Variants in FOXP1 observed in about 807,000 individuals in gnomAD.
FOXP1 encodes the protein forkhead box P1.
Under a neutral mutation model 98.2 loss-of-function variants are expected in FOXP1, and 15 were observed. The observed-to-expected ratio is 0.15, with a 90% CI of 0.10 to 0.24. The LOEUF (loss-of-function observed/expected upper bound fraction) is 0.24. FOXP1 is among the 10% of genes least tolerant of loss of function. The pLI is 1.00. For synonymous variants in FOXP1, 371 were observed against 314.5 expected, an observed-to-expected ratio of 1.18 and a Z score of -1.90; for missense variants, 633 against 848.5, an observed-to-expected ratio of 0.75 and a Z score of 3.15.
intron 6 of FOXP1, among the ~76,000 whole-genome samples, chr3:71,156,694 T>C (rs1437346054): frequency 2.0e-5 from 3 of 152,212 alleles, no homozygotes. Context: ...GAGTGGTAAT[T>C]CAACATCATC....
chr3:71,268,833 T>C (rs147375224), intron 5 of FOXP1, among the ~76,000 whole-genome samples: 125 of 152,236 alleles, frequency 8.2e-4, no homozygotes, highest in African/African-American at 2.9e-3. Flanking sequence ...TGATTTAATA[T>C]CTCTATCACT....
At chr3:70,983,092 A>G (rs1455517345) in intron 14 of FOXP1, among the ~76,000 whole-genome samples, 1 of 152,216 alleles carries the variant, frequency 6.6e-6, no homozygotes, top group African/African-American at 2.4e-5. Context: ...GAGGGACGTT[A>G]CCAGGCCGTG....
intron 7 of FOXP1, among the ~76,000 whole-genome samples, chr3:71,091,056 TAAG>T (rs2055762026): frequency 6.7e-6 from 1 of 149,456 alleles, no homozygotes; most frequent in South Asian, 2.2e-4. Flanking sequence ...ACAACAGCTA[TAAG>T]AAGGGCAGGT....
At chr3:71,460,604 C>CTTTTTTTG (rs1385706710) in intron 3 of FOXP1, among the ~76,000 whole-genome samples, 1 of 151,966 alleles carries the variant, frequency 6.6e-6, no homozygotes, top group East Asian at 1.9e-4. Flanking sequence ...GCTTGGCTAA[C>CTTTTTTTG]TTTTTTTGTA....
chr3:71,254,260 T>C (rs1361138009), intron 5 of FOXP1, among the ~76,000 whole-genome samples: 1 of 152,166 alleles, frequency 6.6e-6, no homozygotes, highest in Non-Finnish European at 1.5e-5. Context: ...CCTGTAAGAA[T>C]ATTGGGAGGA....
intron 6 of FOXP1, among the ~76,000 whole-genome samples, chr3:71,120,479 C>T (rs910924389): frequency 1.3e-5 from 2 of 152,176 alleles, no homozygotes; most frequent in African/African-American, 4.8e-5. Context: ...AAAAAGTGTT[C>T]CAGTCTTTGC....
chr3:71,088,491 T>TA (rs1374610581), intron 7 of FOXP1, among the ~76,000 whole-genome samples: 1 of 151,968 alleles, frequency 6.6e-6, no homozygotes, highest in Non-Finnish European at 1.5e-5. Context: ...TGCCTCACTC[T>TA]AGGTGTCTAG....
Position 70,959,160 on chromosome 3 carries a change from G to C in FOXP1, c.*87C>G, listed in dbSNP as rs2032568163. On this transcript the variant is annotated 3_prime_UTR_variant, in exon 21 of 21. Coordinates refer to ENST00000649528, the MANE Select transcript of FOXP1 (RefSeq NM_001349338.3). ...AATCCTCCAGACTGTACAACAAATG[G>C]AGAACAATTTCACTGCTAACTTTTG... is the stretch of plus-strand genomic sequence containing the variant. 1 of 1,482,576 alleles carries C rather than the reference G, an allele frequency of 6.7e-7. No individual in the cohort carries two copies. The highest frequency in any genetic ancestry group is 9.4e-7 in the Non-Finnish European group (1 of 1,066,256). 91.8% of individuals were successfully genotyped at this position (1,482,576 alleles called of 1,614,324 possible). A position where few individuals can be genotyped will look rare whatever the true frequency, so the allele number is the denominator to read the frequency against.
intron 3 of FOXP1, among the ~76,000 whole-genome samples, chr3:71,444,360 A>G (rs2086217847): frequency 6.7e-6 from 1 of 149,080 alleles, no homozygotes; most frequent in South Asian, 2.1e-4. Flanking sequence ...GAGGCCTCAA[A>G]CAATCAAGGA....
intron 3 of FOXP1, among the ~76,000 whole-genome samples, chr3:71,484,161 G>A (rs1174871785): frequency 1.3e-5 from 2 of 152,174 alleles, no homozygotes; most frequent in African/African-American, 4.8e-5. Flanking sequence ...CATATCCATA[G>A]TCTGATTATA....
chr3:71,577,028 A>G (rs2047773071), intron 2 of FOXP1, among the ~76,000 whole-genome samples: 1 of 152,222 alleles, frequency 6.6e-6, no homozygotes, highest in African/African-American at 2.4e-5. Flanking sequence ...CCACAAGCCA[A>G]TCTGGTCAAT....
At chr3:71,059,657 G>C (rs888625446) in intron 7 of FOXP1, among the ~76,000 whole-genome samples, 1 of 152,072 alleles carries the variant, frequency 6.6e-6, no homozygotes, top group Non-Finnish European at 1.5e-5. Context: ...TTCTCCTGTA[G>C]CTGGGATGGA....
intron 11 of FOXP1, among the ~76,000 whole-genome samples, chr3:71,018,462 G>T (rs1027535955): frequency 3.3e-5 from 5 of 152,094 alleles, no homozygotes; most frequent in Non-Finnish European, 7.3e-5. Context: ...ATATTAAACT[G>T]CAGTGGTTCC....
chr3:70,979,316 A>AAAAAAAAAAAAAAAAAAAAAAAAG (rs1553670621), intron 14 of FOXP1, among the ~76,000 whole-genome samples: 2 of 96,504 alleles, frequency 2.1e-5, no homozygotes, highest in African/African-American at 4.3e-5. Context: ...AAAAAAAAAA[A>AAAAAAAAAAAAAAAAAAAAAAAAG]AAAAGAAAAA....
chr3:71,553,863 T>C (rs1034091739), intron 2 of FOXP1, among the ~76,000 whole-genome samples: 1 of 152,224 alleles, frequency 6.6e-6, no homozygotes. Context: ...TTTGGTTATC[T>C]ACGTATATAT....
rs77730962 is a variant in FOXP1 at position 71,181,342 on chromosome 3, C to T, written c.180+16860G>A. 3.9e-5 allele frequency among the ~76,000 whole-genome samples: 6 copies of T among 152,292 alleles called. No homozygotes were observed. In the East Asian group the frequency reaches 9.6e-4, roughly 24 times the overall value. On this transcript the variant is annotated intron_variant, in intron 6 of 20. Coordinates refer to ENST00000649528, the MANE Select transcript of FOXP1 (RefSeq NM_001349338.3). The stretch of plus-strand genomic sequence containing the variant: ...AAGGACAATAATAAAGTAAGGAGCA[C>T]GTTTTAAAGGGTTGGCTATTGTGCC...
chr3:71,384,592 T>C (rs1189101842), intron 3 of FOXP1, among the ~76,000 whole-genome samples: 3 of 152,194 alleles, frequency 2.0e-5, no homozygotes, highest in African/African-American at 7.2e-5. Context: ...ATGTGGCCAA[T>C]TGGAGACTCT....
intron 3 of FOXP1, among the ~76,000 whole-genome samples, chr3:71,448,330 T>C (rs1221219935): frequency 6.6e-6 from 1 of 152,186 alleles, no homozygotes; most frequent in Non-Finnish European, 1.5e-5. Context: ...GGGCACTAAA[T>C]GCTTTCCTCA....
chr3:71,222,249 C>T (rs1382272268), intron 5 of FOXP1, among the ~76,000 whole-genome samples: 1 of 152,140 alleles, frequency 6.6e-6, no homozygotes, highest in Non-Finnish European at 1.5e-5. Context: ...TCACAACACG[C>T]TGGCGGTCCC....
Sources: allele counts gnomAD v4.1 joint callset (sites outside exome capture counted in the v4.1 genomes callset), GRCh38; gene constraint gnomAD v4.1.1; transcripts MANE v1.5; gene names NCBI Gene and HGNC (gene_info 2026-07-23, HGNC 2026-07-21).